DMD: variants seen among roughly 807,000 people sequenced by gnomAD.
DMD encodes dystrophin.
In DMD, 63 loss-of-function variants were observed where a neutral mutation model predicts 330.1. The ratio of observed to expected loss-of-function variants is 0.19; its 90% CI spans 0.16 to 0.24. The LOEUF (loss-of-function observed/expected upper bound fraction) is 0.24. Ranked by LOEUF, DMD falls within the 10% of genes least tolerant of loss-of-function variation. The pLI is 1.00. For missense variants in DMD, 3,344 were observed against 2,684.1 expected, an observed-to-expected ratio of 1.25 and a Z score of -5.43; for synonymous variants, 1,223 against 959.8, an observed-to-expected ratio of 1.27 and a Z score of -5.07.
At chrX:33,089,816 A>C (rs16990883) in intron 1 of DMD, among the ~76,000 whole-genome samples, 11,812 of 111,022 alleles carry the variant, frequency 0.11, 655 homozygotes, top group African/African-American at 0.22. Flanking sequence ...GGACGTTTAA[A>C]AAAAAAGAAG....
intron 29 of DMD, among the ~76,000 whole-genome samples, chrX:32,430,286 C>G (rs111965682): frequency 0.018 from 2,045 of 111,471 alleles, 24 homozygotes; most frequent in Non-Finnish European, 0.03. Flanking sequence ...GATTGGATTT[C>G]TATTTATTTA....
At chrX:31,766,503 C>T (rs1405712541) in intron 51 of DMD, among the ~76,000 whole-genome samples, 1 of 112,062 alleles carries the variant, frequency 8.9e-6, no homozygotes, top group Non-Finnish European at 1.9e-5. Context: ...GGTGATACAC[C>T]CGCCTCAGCC....
At chrX:31,223,248 G>C in intron 63 of DMD, 127 bp from the exon 64 acceptor site, 1 of 583,047 alleles carries the variant, frequency 1.7e-6, no homozygotes, top group Non-Finnish European at 2.9e-6. Context: ...CATATAGTGT[G>C]TATACGCCAA....
At chrX:32,554,963 GAA>G (rs2050131869) in intron 16 of DMD, among the ~76,000 whole-genome samples, 1 of 100,455 alleles carries the variant, frequency 1.0e-5, no homozygotes, top group Non-Finnish European at 2.0e-5. Flanking sequence ...GAGAGAGAAA[GAA>G]AGAGAGAGAG....
intron 55 of DMD, among the ~76,000 whole-genome samples, chrX:31,587,370 C>A (rs1019034218): frequency 1.8e-5 from 2 of 111,693 alleles, no homozygotes; most frequent in Non-Finnish European, 3.8e-5. Context: ...GTAATGCATA[C>A]GATAATTGGC....
At chrX:32,937,886 G>T (rs1436257731) in intron 2 of DMD, among the ~76,000 whole-genome samples, 2 of 111,003 alleles carry the variant, frequency 1.8e-5, no homozygotes, top group African/African-American at 6.6e-5. Context: ...TGAATTTGGG[G>T]ATGATGTCAA....
intron 1 of DMD, among the ~76,000 whole-genome samples, chrX:33,219,459 TC>T (rs1441348185): frequency 4.2e-5 from 4 of 96,281 alleles, no homozygotes; most frequent in Non-Finnish European, 8.1e-5. Context: ...GATTTTTTTT[TC>T]CACTGGACAA....
intron 37 of DMD, among the ~76,000 whole-genome samples, chrX:32,358,633 A>G (rs900096898): frequency 8.9e-6 from 1 of 111,945 alleles, no homozygotes; most frequent in Non-Finnish European, 1.9e-5. Context: ...TGGGACAAAC[A>G]TAACTCCTTA....
intron 30 of DMD, among the ~76,000 whole-genome samples, chrX:32,401,912 A>C (rs897572224): frequency 2.5e-4 from 28 of 112,500 alleles, no homozygotes; most frequent in African/African-American, 8.7e-4. Flanking sequence ...AAAATAGATA[A>C]ATGAGTAAAT....
chrX:31,433,862 T>G (rs1602784168), intron 60 of DMD, among the ~76,000 whole-genome samples: 1 of 112,105 alleles, frequency 8.9e-6, no homozygotes, highest in African/African-American at 3.2e-5. Context: ...ATAGTTTTTT[T>G]CCCCTAATTT....
intron 1 of DMD, among the ~76,000 whole-genome samples, chrX:33,265,517 A>G (rs1208845337): frequency 9.0e-6 from 1 of 111,301 alleles, no homozygotes; most frequent in African/African-American, 3.3e-5. Context: ...AATCCTAGGA[A>G]ACTTTGGCAA....
intron 60 of DMD, among the ~76,000 whole-genome samples, chrX:31,407,728 C>T (rs1381012687): frequency 9.1e-6 from 1 of 109,824 alleles, no homozygotes; most frequent in African/African-American, 3.3e-5. Flanking sequence ...GATCCATCCG[C>T]CTCGGCCTCT....
At chrX:33,005,676 G>T (rs899090175) in intron 2 of DMD, among the ~76,000 whole-genome samples, 3 of 110,369 alleles carry the variant, frequency 2.7e-5, no homozygotes, top group African/African-American at 9.8e-5. Context: ...GTGAGAAAAT[G>T]AAAACTTTCT....
intron 72 of DMD, 100 bp from the exon 73 acceptor site, chrX:31,172,513 C>T (rs753254398): frequency 1.5e-6 from 1 of 667,530 alleles, no homozygotes; most frequent in Non-Finnish European, 2.4e-6. Flanking sequence ...TAAATCATGG[C>T]AAGAAGAGAA....
rs150387101 is a variant in DMD, at chrX:32,491,342, A to G, written c.2557T>C (p.Leu853=). Residue 853 remains leucine (L), a synonymous_variant, in exon 20 of 79, where the codon TTG becomes CTG. Transcript: ENST00000357033. The part of the protein sequence containing the change: ...EQMTTTAENW[L]KIQPTTPSEP... Reference sequence around the variant, plus strand: ...GATGGGGTGGTGGGTTGGATTTTCAACCAGTTTTCAGCAGTAGTTGTCATC... The same window carrying G: ...GATGGGGTGGTGGGTTGGATTTTCAGCCAGTTTTCAGCAGTAGTTGTCATC... The G allele has an allele frequency of 1.4e-5, 17 of 1,209,295 alleles. No homozygotes were observed. In the African/African-American group the frequency reaches 2.6e-4, roughly 19 times the overall value.
chrX:32,991,239 A>G (rs1266824942), intron 2 of DMD, among the ~76,000 whole-genome samples: 4 of 88,170 alleles, frequency 4.5e-5, no homozygotes, highest in African/African-American at 1.1e-4. Flanking sequence ...TTTTATGTAG[A>G]AAAAAATCAA....
intron 29 of DMD, among the ~76,000 whole-genome samples, chrX:32,431,534 C>G (rs2098238302): frequency 9.0e-6 from 1 of 110,995 alleles, no homozygotes; most frequent in African/African-American, 3.3e-5. Flanking sequence ...GTATCTATTA[C>G]CTATTGTTCA....
At chrX:32,809,446 T>C in intron 7 of DMD, 47 bp downstream of exon 7, 1 of 1,056,616 alleles carries the variant, frequency 9.5e-7, no homozygotes, top group East Asian at 3.0e-5. Context: ...ATGAAAACAT[T>C]AAACTCTACC....
At chrX:31,581,961 T>A (rs2076360538) in intron 55 of DMD, among the ~76,000 whole-genome samples, 1 of 111,955 alleles carries the variant, frequency 8.9e-6, no homozygotes, top group Non-Finnish European at 1.9e-5. Flanking sequence ...TACATACTTG[T>A]ATACCAGTGC....
Sources: gnomAD v4.1 joint callset for allele counts (sites outside exome capture counted in the v4.1 genomes callset) on GRCh38, gnomAD v4.1.1 for gene constraint, MANE v1.5 for transcripts, NCBI Gene and HGNC (gene_info 2026-07-23, HGNC 2026-07-21) for gene names.